CHN1: variants seen among roughly 807,000 people sequenced by gnomAD.
The protein encoded by CHN1 is chimerin 1.
Under a neutral mutation model 59.5 loss-of-function variants are expected in CHN1, and 37 were observed. The ratio of observed to expected loss-of-function variants is 0.62; its 90% confidence interval spans 0.48 to 0.82. CHN1 has a LOEUF of 0.82. CHN1 is among the 40% of genes least tolerant of loss of function. CHN1 has a pLI of 0.00. For synonymous variants in CHN1, 206 were observed against 200.4 expected, an observed-to-expected ratio of 1.03 and a Z score of -0.24; for missense variants, 469 against 571.0, an observed-to-expected ratio of 0.82 and a Z score of 1.82.
At chr2:174,961,786 C>A (rs992142109) in intron 1 of CHN1, among the ~76,000 whole-genome samples, 36 of 151,918 alleles carry the variant, frequency 2.4e-4, no homozygotes, top group African/African-American at 8.2e-4. Context: ...GTTGTTATAC[C>A]ACATGCCATG....
chr2:174,955,194 A>C (rs4516396), intron 1 of CHN1, among the ~76,000 whole-genome samples: 67,122 of 145,558 alleles, frequency 0.46, 15,924 homozygotes, highest in African/African-American at 0.55. Flanking sequence ...CTATATATAT[A>C]TATATAATTG....
intron 11 of CHN1, among the ~76,000 whole-genome samples, chr2:174,802,980 G>A (rs2105372328): frequency 6.6e-6 from 1 of 152,282 alleles, no homozygotes; most frequent in African/African-American, 2.4e-5. Flanking sequence ...GGAGGTTGCA[G>A]TGAGCCAGGA....
At position 175,005,365 on chromosome 2, in the gene CHN1, G is replaced by C; in HGVS notation, c.-453C>G. On this transcript the variant is annotated 5_prime_UTR_variant, in exon 1 of 13. Transcript: ENST00000409900. Reference sequence around the variant, plus strand: ...CCCGCGGCCTCGCAGACGCCATCTTGCGATAGCGTCTCCCACGAGCTCGGC... The same window carrying C: ...CCCGCGGCCTCGCAGACGCCATCTTCCGATAGCGTCTCCCACGAGCTCGGC... 2 of 1,105,956 alleles carry C rather than the reference G, an allele frequency of 1.8e-6. No homozygotes were observed. Among genetic ancestry groups the C allele is most frequent in the Non-Finnish European group, 2.2e-6 (2 of 897,204 alleles). The allele number at this position is 1,105,956 out of a possible 1,614,324, so 68.5% of individuals were successfully genotyped here.
intron 11 of CHN1, among the ~76,000 whole-genome samples, chr2:174,807,737 C>T (rs1186459246): frequency 6.6e-6 from 1 of 152,138 alleles, no homozygotes; most frequent in East Asian, 1.9e-4. Flanking sequence ...AGAAATCAGA[C>T]CTCCATGGAA....
intron 7 of CHN1, among the ~76,000 whole-genome samples, chr2:174,831,625 GTATT>G (rs1415652838): frequency 6.6e-6 from 1 of 152,066 alleles, no homozygotes; most frequent in African/African-American, 2.4e-5. Flanking sequence ...CAAAATATGA[GTATT>G]TAGAGTATTA....
chr2:174,856,023 T>C (rs1164622003), intron 6 of CHN1, among the ~76,000 whole-genome samples: 1 of 152,142 alleles, frequency 6.6e-6, no homozygotes, highest in Admixed American at 6.6e-5. Flanking sequence ...GGAGCATTTA[T>C]ATTCCAGTGC....
intron 1 of CHN1, among the ~76,000 whole-genome samples, chr2:174,994,231 T>C (rs949175776): frequency 3.9e-5 from 6 of 152,206 alleles, no homozygotes; most frequent in Non-Finnish European, 7.3e-5. Context: ...TCCAGAGAGA[T>C]TTCTATTTTA....
intron 5 of CHN1, among the ~76,000 whole-genome samples, chr2:174,884,706 G>A (rs1181695512): frequency 6.6e-6 from 1 of 152,062 alleles, no homozygotes; most frequent in African/African-American, 2.4e-5. Context: ...TAAGTATCCA[G>A]TAAAACAGAA....
chr2:174,921,037 C>A, intron 3 of CHN1: 1 of 410,160 alleles, frequency 2.4e-6, no homozygotes, highest in Non-Finnish European at 5.1e-6. Context: ...TCTAATATGG[C>A]CGCTGATCTG....
intron 6 of CHN1, among the ~76,000 whole-genome samples, chr2:174,849,093 C>T (rs781405165): frequency 1.8e-4 from 27 of 152,142 alleles, no homozygotes; most frequent in Non-Finnish European, 3.5e-4. Flanking sequence ...TATTTGATAT[C>T]AAGTTACTAA....
intron 5 of CHN1, among the ~76,000 whole-genome samples, chr2:174,884,400 C>T (rs1225812481): frequency 6.6e-6 from 1 of 152,118 alleles, no homozygotes; most frequent in Non-Finnish European, 1.5e-5. Context: ...CAGACCTACA[C>T]CAAGAACTGG....
chr2:174,883,801 A>C (rs1004054924), intron 5 of CHN1, among the ~76,000 whole-genome samples: 3 of 152,076 alleles, frequency 2.0e-5, no homozygotes, highest in Non-Finnish European at 4.4e-5. Context: ...CCTGTAAAAA[A>C]AAGGAATATA....
chr2:174,807,557 T>C (rs1326411653), intron 11 of CHN1, among the ~76,000 whole-genome samples: 3 of 149,194 alleles, frequency 2.0e-5, no homozygotes, highest in East Asian at 2.1e-4. Context: ...GGAGAGGAAA[T>C]GTCTGCCCCA....
intron 1 of CHN1, among the ~76,000 whole-genome samples, chr2:174,987,005 G>A (rs1436432968): frequency 1.3e-5 from 2 of 152,168 alleles, no homozygotes; most frequent in Non-Finnish European, 2.9e-5. Flanking sequence ...CAAAGTGCTG[G>A]GATTACAGGC....
At chr2:174,800,934 G>T (rs184822428) in intron 12 of CHN1, among the ~76,000 whole-genome samples, 140 of 152,328 alleles carry the variant, frequency 9.2e-4, no homozygotes, top group Non-Finnish European at 1.5e-3. Flanking sequence ...AACTCATGGT[G>T]CTCTTAAAGA....
intron 2 of CHN1, among the ~76,000 whole-genome samples, chr2:174,951,441 G>A (rs531121300): frequency 1.4e-4 from 22 of 152,172 alleles, no homozygotes; most frequent in African/African-American, 4.6e-4. Context: ...TAAAGAACAG[G>A]TTTCTTAGGC....
At chr2:174,837,864 C>T (rs565549385) in intron 7 of CHN1, among the ~76,000 whole-genome samples, 2 of 152,286 alleles carry the variant, frequency 1.3e-5, no homozygotes, top group East Asian at 3.9e-4. Flanking sequence ...TGTATATACA[C>T]ATCTCTTTTT....
At chr2:174,973,903 T>C (rs1251378097) in intron 1 of CHN1, among the ~76,000 whole-genome samples, 1 of 152,222 alleles carries the variant, frequency 6.6e-6, no homozygotes, top group East Asian at 1.9e-4. Flanking sequence ...GAAAGAAATA[T>C]AGATGTAACT....
At chr2:174,992,181 G>GT (rs1691565659) in intron 1 of CHN1, among the ~76,000 whole-genome samples, 1 of 152,206 alleles carries the variant, frequency 6.6e-6, no homozygotes, top group Non-Finnish European at 1.5e-5. Flanking sequence ...AGCTGGTTGG[G>GT]TATCAGAGGC....
Sources: allele counts gnomAD v4.1 joint callset (sites outside exome capture counted in the v4.1 genomes callset), GRCh38; gene constraint gnomAD v4.1.1; transcripts MANE v1.5; gene names NCBI Gene and HGNC (gene_info 2026-07-23, HGNC 2026-07-21).